The following SPATA6 variants were observed in gnomAD, a reference collection of about 807,000 sequenced individuals.
SPATA6 encodes the protein spermatogenesis associated 6.
Under a neutral mutation model 65.3 loss-of-function variants are expected in SPATA6, and 56 were observed. The ratio of observed to expected loss-of-function variants is 0.86; its 90% CI spans 0.69 to 1.07. The LOEUF (loss-of-function observed/expected upper bound fraction) is 1.07, where lower values mean the gene tolerates loss of function less well. Among genes scored for constraint, SPATA6 ranks in the 50% least tolerant of loss-of-function variants. The probability of loss-of-function intolerance (pLI) is 0.00; values close to 1 mark genes in which losing one functional copy is unlikely to be tolerated. For missense variants in SPATA6, 590 were observed against 594.8 expected (o/e 0.99, Z 0.08); for synonymous variants, 199 against 213.2 (o/e 0.93, Z 0.58).
chr1:48,356,905 T>G (rs1646677552), intron 10 of SPATA6, among the ~76,000 whole-genome samples: 1 of 152,196 alleles, frequency 6.6e-6, no homozygotes, highest in Non-Finnish European at 1.5e-5. Flanking sequence ...GAATAATCAA[T>G]TATCTAAACT....
At chr1:48,390,171 A>G (rs549806196) in intron 8 of SPATA6, among the ~76,000 whole-genome samples, 2 of 152,342 alleles carry the variant, frequency 1.3e-5, no homozygotes, top group South Asian at 4.1e-4. Context: ...CTAACTGTTC[A>G]TCAATAGATG....
chr1:48,391,081 A>G (rs1176365735), intron 8 of SPATA6, among the ~76,000 whole-genome samples: 1 of 152,012 alleles, frequency 6.6e-6, no homozygotes, highest in Non-Finnish European at 1.5e-5. Context: ...AGTGAGAAGG[A>G]CATCCGGACA....
intron 9 of SPATA6, among the ~76,000 whole-genome samples, chr1:48,381,687 C>CTTTTTCTT (rs1553160421): frequency 1.2e-4 from 15 of 121,724 alleles, no homozygotes; most frequent in African/African-American, 4.9e-4. Context: ...AATTTTTTTT[C>CTTTTTCTT]TTTTTTTTTT....
intron 3 of SPATA6, among the ~76,000 whole-genome samples, chr1:48,428,488 T>C (rs1557697970): frequency 6.6e-6 from 1 of 151,978 alleles, no homozygotes; most frequent in Non-Finnish European, 1.5e-5. Flanking sequence ...ATAGTCAACA[T>C]GTTTTGTGCA....
chr1:48,414,220 T>G (rs1173355603), intron 3 of SPATA6, among the ~76,000 whole-genome samples: 3 of 152,204 alleles, frequency 2.0e-5, no homozygotes, highest in African/African-American at 7.2e-5. Flanking sequence ...TAAGTTTTAC[T>G]TCCAGGAGTT....
At chr1:48,424,510 G>T (rs181149928) in intron 3 of SPATA6, among the ~76,000 whole-genome samples, 71 of 152,200 alleles carry the variant, frequency 4.7e-4, no homozygotes, top group African/African-American at 1.7e-3. Context: ...CTCAGCAGTG[G>T]GATTGCTGGA....
At chr1:48,365,766 C>G (rs941902072) in intron 9 of SPATA6, among the ~76,000 whole-genome samples, 6 of 152,136 alleles carry the variant, frequency 3.9e-5, no homozygotes, top group African/African-American at 1.4e-4. Flanking sequence ...TCCTCTTTCC[C>G]TAACTGAATA....
At chr1:48,329,679 C>G (rs1428714276) in intron 11 of SPATA6, among the ~76,000 whole-genome samples, 1 of 152,136 alleles carries the variant, frequency 6.6e-6, no homozygotes, top group Admixed American at 6.6e-5. Context: ...ATGCTGCAGG[C>G]CGCTCATATG....
chr1:48,363,014 G>C (rs1156461198), intron 9 of SPATA6, among the ~76,000 whole-genome samples: 1 of 152,024 alleles, frequency 6.6e-6, no homozygotes, highest in Non-Finnish European at 1.5e-5. Flanking sequence ...CTCAAAAAAA[G>C]TTACAATACA....
At chr1:48,419,179 C>G (rs1653087140) in intron 3 of SPATA6, among the ~76,000 whole-genome samples, 1 of 152,082 alleles carries the variant, frequency 6.6e-6, no homozygotes, top group Non-Finnish European at 1.5e-5. Context: ...CAAACAAATC[C>G]TCAAAACAAC....
Position 48,471,982 on chromosome 1 carries a change from G to A in SPATA6, c.27C>T (p.Cys9=), listed in dbSNP as rs534078272. Residue 9 remains cysteine (C), a synonymous_variant, in exon 1 of 13, where the codon TGC becomes TGT. Transcript: ENST00000371847. Reference sequence around the variant, plus strand: ...CTGAGCTGATCTCCAGCGCCAGGGCGCACTGCAGCGCCTTCACCTTCGGCA... The same window carrying A: ...CTGAGCTGATCTCCAGCGCCAGGGCACACTGCAGCGCCTTCACCTTCGGCA... MPKVKALQ[C]ALALEISSVT... 4.4e-6 allele frequency: 7 copies of A among 1,594,924 alleles called. No individual in the cohort carries two copies. The highest frequency in any genetic ancestry group is 2.7e-5 in the African/African-American group (2 of 73,390).
chr1:48,371,158 T>C (rs1570349054), intron 9 of SPATA6, among the ~76,000 whole-genome samples: 1 of 152,234 alleles, frequency 6.6e-6, no homozygotes, highest in South Asian at 2.1e-4. Context: ...AATACAAGGA[T>C]GGATTATCAT....
At chr1:48,346,227 C>T (rs929644086) in intron 11 of SPATA6, among the ~76,000 whole-genome samples, 1 of 152,018 alleles carries the variant, frequency 6.6e-6, no homozygotes, top group African/African-American at 2.4e-5. Flanking sequence ...AGACAAAAAC[C>T]ACATGATTAT....
At chr1:48,398,358 T>A (rs1650805657) in intron 7 of SPATA6, among the ~76,000 whole-genome samples, 1 of 151,746 alleles carries the variant, frequency 6.6e-6, no homozygotes, top group African/African-American at 2.4e-5. Context: ...AATATTTAAA[T>A]TGTTTTAAAA....
At chr1:48,429,857 C>T (rs1654238249) in intron 3 of SPATA6, among the ~76,000 whole-genome samples, 1 of 151,958 alleles carries the variant, frequency 6.6e-6, no homozygotes, top group African/African-American at 2.4e-5. Context: ...GAAAAATTTA[C>T]TAGATTGACT....
chr1:48,366,658 T>C (rs1570323460), intron 9 of SPATA6, among the ~76,000 whole-genome samples: 4 of 152,316 alleles, frequency 2.6e-5, no homozygotes, highest in Middle Eastern at 3.4e-3. Context: ...TTATCATTTT[T>C]TATTGCATCT....
At chr1:48,428,913 T>A (rs1426300128) in intron 3 of SPATA6, among the ~76,000 whole-genome samples, 3 of 151,404 alleles carry the variant, frequency 2.0e-5, no homozygotes, top group Non-Finnish European at 4.4e-5. Flanking sequence ...GTGTGACAGA[T>A]CTATTTAATA....
intron 5 of SPATA6, among the ~76,000 whole-genome samples, chr1:48,406,880 G>T (rs1473702640): frequency 2.0e-5 from 3 of 152,152 alleles, no homozygotes; most frequent in Non-Finnish European, 4.4e-5. Flanking sequence ...CCCAAATGTT[G>T]TCTGAATCCT....
chr1:48,452,525 A>G (rs1656665466), intron 2 of SPATA6, among the ~76,000 whole-genome samples: 1 of 151,974 alleles, frequency 6.6e-6, no homozygotes, highest in Non-Finnish European at 1.5e-5. Context: ...GTGGGATTAT[A>G]GGCAGGTGCC....
Sources: gnomAD v4.1 joint callset for allele counts (sites outside exome capture counted in the v4.1 genomes callset) on GRCh38, gnomAD v4.1.1 for gene constraint, MANE v1.5 for transcripts, NCBI Gene and HGNC (gene_info 2026-07-23, HGNC 2026-07-21) for gene names.